Variants in IFI6 observed in about 807,000 individuals in gnomAD.
IFI6 encodes interferon alpha-inducible protein 6.
Under a neutral mutation model 12.7 loss-of-function variants are expected in IFI6, and 10 were observed. The observed-to-expected ratio is 0.79, with a 90% CI of 0.49 to 1.33. The LOEUF is 1.33. Among genes scored for constraint, IFI6 ranks in the 40% most tolerant of loss-of-function variants. The pLI is 0.00. For missense variants in IFI6, 154 were observed against 180.4 expected (o/e 0.85, Z 0.84); for synonymous variants, 89 against 86.2 (o/e 1.03, Z -0.18).
chr1:27,668,579 ACAC>A (rs1206049751), intron 2 of IFI6, 44 bp from the exon 3 acceptor site: 1 of 1,509,886 alleles, frequency 6.6e-7, no homozygotes, highest in Non-Finnish European at 9.0e-7. Flanking sequence ...TTGGGGTGGG[ACAC>A]AGGGGTCCCC....
intron 1 of IFI6, 46 bp from the exon 2 acceptor site, chr1:27,669,392 C>A: frequency 8.4e-7 from 1 of 1,183,438 alleles, no homozygotes; most frequent in South Asian, 1.3e-5. Flanking sequence ...ATTTTTGGAG[C>A]TCATCAGCTC....
At position 27,666,324 on chromosome 1, in the gene IFI6, A is replaced by G; in HGVS notation, c.*57T>C. On this transcript the variant is annotated 3_prime_UTR_variant, in exon 5 of 5. Transcript: ENST00000361157. ...AAAAAAAAAAAAAAGGCAAAGTTCTAGATCCTAACTGGAAGAGTTAGGCCA... is the reference window on the plus strand; with the variant it reads ...AAAAAAAAAAAAAAGGCAAAGTTCTGGATCCTAACTGGAAGAGTTAGGCCA... 1.3e-6 allele frequency: 1 copy of G among 778,004 alleles called. No individual in the cohort carries two copies. The highest frequency in any genetic ancestry group is 2.1e-6 in the Non-Finnish European group (1 of 478,828). The allele number at this position is 778,004 out of a possible 1,614,324, so 48.2% of individuals were successfully genotyped here.
chr1:27,669,346 C>G lies in IFI6; in HGVS notation c.-32G>C. 1.9e-6 allele frequency: 3 copies of G among 1,544,142 alleles called. No homozygotes were observed. Among genetic ancestry groups the G allele is most frequent in the South Asian group, 1.2e-5 (1 of 83,874 alleles). On this transcript the variant is annotated splice_region_variant and 5_prime_UTR_variant, in exon 2 of 5. Coordinates refer to ENST00000361157, the MANE Select transcript of IFI6 (RefSeq NM_002038.4). ...GCCGCGCGCGGGCTCCGTCACTAGA[C>G]CTGCGAACGGGCGAGAGGGAGATGG... is the stretch of plus-strand genomic sequence containing the variant.
In IFI6 at chr1:27,666,412, T is replaced by G; in HGVS notation, c.362A>C (p.Lys121Thr). 1 of 1,612,810 alleles carries G rather than the reference T, an allele frequency of 6.2e-7. No homozygotes were observed. The highest frequency in any genetic ancestry group is 8.5e-7 in the Non-Finnish European group (1 of 1,179,518). The change falls in exon 5 of 5, where the codon AAG becomes ACG. Residue 121 changes from lysine (K) to threonine (T), a missense_variant. Lys to Thr is a moderately conservative substitution (Grantham distance 78). Coordinates refer to ENST00000361157, the MANE Select transcript of IFI6 (RefSeq NM_002038.4). ...CTCATCCTCCTCACTATCGAGATAC[T>G]TGTGGGTGGCGTAGCCCATCAGGGC... Reference protein sequence around the residue: ...IGALMGYATHKYLDSEEDEE With the variant: ...IGALMGYATHTYLDSEEDEE
Position 27,666,318 on chromosome 1 carries a change from A to G in IFI6, c.*63T>C. On this transcript the variant is annotated 3_prime_UTR_variant, in exon 5 of 5. Coordinates refer to ENST00000361157, the MANE Select transcript of IFI6 (RefSeq NM_002038.4). ...AAAAAAAAAAAAAAAAAAAAGGCAA[A>G]GTTCTAGATCCTAACTGGAAGAGTT... is the stretch of plus-strand genomic sequence containing the variant. The G allele has an allele frequency of 2.6e-6, 2 of 775,962 alleles. No homozygotes were observed. The highest frequency in any genetic ancestry group is 1.7e-5 in the South Asian group (1 of 59,494). 48.1% of individuals were successfully genotyped at this position (775,962 alleles called of 1,614,324 possible).
At chr1:27,671,716 G>A (rs2090405988) in intron 1 of IFI6, among the ~76,000 whole-genome samples, 1 of 152,066 alleles carries the variant, frequency 6.6e-6, no homozygotes, top group African/African-American at 2.4e-5. Flanking sequence ...AACCACTCCA[G>A]ATGGCTTCAT....
chr1:27,667,049 G>T (rs1267577061), intron 4 of IFI6, among the ~76,000 whole-genome samples: 10 of 146,140 alleles, frequency 6.8e-5, no homozygotes, highest in Admixed American at 6.8e-4. Context: ...GCCTCAGAGC[G>T]CGAGAGAGAG....
intron 2 of IFI6, 127 bp downstream of exon 2, chr1:27,669,094 CCCTTACCTGCATCCTTACCCGCAT>C (rs2148544808): frequency 1.8e-5 from 14 of 792,184 alleles, no homozygotes; most frequent in Admixed American, 4.4e-5. Flanking sequence ...CTTACCTGCA[CCCTTACCTGCATCCTTACCCGCAT>C]CCTTACCTGC....
intron 4 of IFI6, among the ~76,000 whole-genome samples, chr1:27,666,779 C>T (rs899784053): frequency 6.6e-6 from 1 of 152,142 alleles, no homozygotes. Flanking sequence ...GGGGGGTTCA[C>T]AAGCCAGGGA....
In IFI6 at chr1:27,668,328, T is replaced by C. The variant is rs2090368098; in HGVS notation, c.196A>G (p.Ile66Val). ...LPALGFTGAG[I>V]AANSVAASLM... is the part of the protein sequence containing the mutation. Reference sequence around the variant, plus strand: ...GAGGCAGCCACCGAGTTGGCCGCGATGCCGGCGCCGGTGAAGCCCAGCGCG... The same window carrying C: ...GAGGCAGCCACCGAGTTGGCCGCGACGCCGGCGCCGGTGAAGCCCAGCGCG... The change falls in exon 4 of 5, where the codon ATC becomes GTC. Residue 66 changes from isoleucine to valine, a missense_variant. Ile to Val is a conservative substitution (Grantham distance 29). Coordinates refer to ENST00000361157, the MANE Select transcript of IFI6 (RefSeq NM_002038.4). The C allele has an allele frequency of 6.4e-7, 1 of 1,571,186 alleles. No homozygotes were observed. Among genetic ancestry groups the C allele is most frequent in the Non-Finnish European group, 8.6e-7 (1 of 1,159,422 alleles).
intron 2 of IFI6, 121 bp downstream of exon 2, chr1:27,669,124 C>A: frequency 8.5e-7 from 1 of 1,183,028 alleles, no homozygotes; most frequent in East Asian, 2.6e-5. Flanking sequence ...CGCATCCTTA[C>A]CTGCATCCTT....
chr1:27,668,330 C>A lies in IFI6; in HGVS notation c.194G>T (p.Gly65Val), dbSNP rs867447392. ...GGCAGCCACCGAGTTGGCCGCGATG[C>A]CGGCGCCGGTGAAGCCCAGCGCGGG... ...GLPALGFTGA[G>V]IAANSVAASL... is the part of the protein sequence containing the mutation. The change falls in exon 4 of 5, where the codon GGC becomes GTC. Residue 65 changes from glycine (G) to valine (V), a missense_variant. Transcript: ENST00000361157. 20 of 1,570,250 alleles carry A rather than the reference C, an allele frequency of 1.3e-5. No homozygotes were observed. Among genetic ancestry groups the A allele is most frequent in the Non-Finnish European group, 1.7e-5 (20 of 1,158,890 alleles).
At chr1:27,669,571 C>G in intron 1 of IFI6, 1 of 490,184 alleles carries the variant, frequency 2.0e-6, no homozygotes, top group African/African-American at 1.9e-5. Context: ...CGGATTCGCA[C>G]GGTGTTTGGC....
Position 27,666,074 on chromosome 1 carries a change from G to T in IFI6, c.*307C>A, listed in dbSNP as rs1443237047. 8.2e-6 allele frequency: 2 copies of T among 243,474 alleles called. No individual in the cohort carries two copies. The highest frequency in any genetic ancestry group is 2.3e-5 in the African/African-American group (1 of 43,948). The allele number at this position is 243,474 out of a possible 1,614,324, so 15.1% of individuals were successfully genotyped here. A position where few individuals can be genotyped will look rare whatever the true frequency, so the allele number is the denominator to read the frequency against. Reference sequence around the variant, plus strand: ...GACAGCAGGACAAAGTGTTTTCTGGGTGAAGTTTATTCTGTTTTCACATCT... The same window carrying T: ...GACAGCAGGACAAAGTGTTTTCTGGTTGAAGTTTATTCTGTTTTCACATCT... On this transcript the variant is annotated 3_prime_UTR_variant, in exon 5 of 5. Transcript: ENST00000361157.
intron 4 of IFI6, among the ~76,000 whole-genome samples, chr1:27,667,408 T>G (rs2090360398): frequency 6.6e-6 from 1 of 152,086 alleles, no homozygotes; most frequent in Admixed American, 6.6e-5. Context: ...GAGACCTTGT[T>G]TTGACCTTTA....
In IFI6 at chr1:27,668,449, CAG is replaced by C. The variant is rs1411587598; in HGVS notation, c.148+7_148+8del. On this transcript the variant is annotated splice_region_variant and intron_variant, in intron 3 of 4. Coordinates refer to ENST00000361157, the MANE Select transcript of IFI6 (RefSeq NM_002038.4). ...CCGCCTGCCCGAGATCCTCGCCCTC[CAG>C]ACCCACCTCCTCCGACGGCCATGAA... 27 of 1,608,998 alleles carry C rather than the reference CAG, an allele frequency of 1.7e-5. No individual in the cohort carries two copies. The Middle Eastern group carries it at 4.9e-4, about 29-fold the overall frequency.
intron 4 of IFI6, 31 bp from the exon 5 acceptor site, chr1:27,666,506 G>C: frequency 6.6e-7 from 1 of 1,513,164 alleles, no homozygotes; most frequent in South Asian, 1.1e-5. Context: ...AGTCACTGGG[G>C]CCCAAGTGCC....
rs185953331 is a variant in IFI6 at position 27,669,740 on chromosome 1, C to T, written c.-32-394G>A. Among the ~76,000 whole-genome samples, 14 of 152,318 alleles carry T rather than the reference C, an allele frequency of 9.2e-5. 1 individual carries two copies. The highest frequency in any genetic ancestry group is 9.2e-4 in the Admixed American group (14 of 15,298). On this transcript the variant is annotated intron_variant, in intron 1 of 4. Transcript: ENST00000361157. ...TTAATAGAGTCTATTTCAGAGGGTA[C>T]TTGTTAATTTAATAACTGTTCCACG... is the stretch of plus-strand genomic sequence containing the variant.
intron 1 of IFI6, among the ~76,000 whole-genome samples, chr1:27,670,601 C>T (rs2148545629): frequency 6.6e-6 from 1 of 152,174 alleles, no homozygotes; most frequent in Middle Eastern, 3.4e-3. Flanking sequence ...TTACTGGTTC[C>T]TTATGGATAT....
Sources: gnomAD v4.1 joint callset for allele counts (sites outside exome capture counted in the v4.1 genomes callset) on GRCh38, gnomAD v4.1.1 for gene constraint, MANE v1.5 for transcripts, NCBI Gene and HGNC (gene_info 2026-07-23, HGNC 2026-07-21) for gene names.